FAM91A1: variants seen among roughly 807,000 people sequenced by gnomAD.
The protein encoded by FAM91A1 is protein FAM91A1.
Under a neutral mutation model 113.5 loss-of-function variants are expected in FAM91A1, and 41 were observed. That is an observed-to-expected ratio of 0.36 (90% CI 0.28 to 0.47). FAM91A1 has a LOEUF of 0.47. Ranked by LOEUF, FAM91A1 falls within the 20% of genes least tolerant of loss-of-function variation. FAM91A1 has a pLI of 1.00. For synonymous variants in FAM91A1, 307 were observed against 347.9 expected (o/e 0.88, Z 1.31); for missense variants, 696 against 1,001.2 (o/e 0.70, Z 4.11).
rs777838969 is a variant in FAM91A1, at chr8:123,778,049, G to T, written c.392G>T (p.Arg131Ile). Residue 131 changes from arginine to isoleucine, a missense_variant, in exon 5 of 24, where the codon AGA becomes ATA. By Grantham distance (97) the Arg-to-Ile change is moderately conservative. Transcript: ENST00000334705. ...ADCLRLLGIG[R>I]NQYIDLMNQC... The stretch of plus-strand genomic sequence containing the variant: ...GGTCTAAGGCTTCTTGGCATAGGAA[G>T]AAACCAGTATATTGATCTTATGAAT... 6.2e-7 allele frequency: 1 copy of T among 1,612,594 alleles called. No homozygotes were observed. The highest frequency in any genetic ancestry group is 8.5e-7 in the Non-Finnish European group (1 of 1,179,288).
intron 6 of FAM91A1, 130 bp downstream of exon 6, chr8:123,778,902 T>G: frequency 3.2e-6 from 2 of 629,480 alleles, no homozygotes; most frequent in Non-Finnish European, 5.0e-6. Flanking sequence ...AATTTAAAAT[T>G]TAAAATGATC....
intron 15 of FAM91A1, 116 bp from the exon 16 acceptor site, chr8:123,797,974 C>A (rs1002004881): frequency 8.0e-7 from 1 of 1,246,800 alleles, no homozygotes; most frequent in Admixed American, 2.4e-5. Flanking sequence ...AATAGAGTTA[C>A]TTTACCTTAA....
At chr8:123,776,493 C>T (rs373569194) in intron 3 of FAM91A1, among the ~76,000 whole-genome samples, 18 of 152,216 alleles carry the variant, frequency 1.2e-4, no homozygotes, top group African/African-American at 3.9e-4. Context: ...GCGAGAGGCC[C>T]GATAGCCCAG....
Position 123,775,324 on chromosome 8 carries a change from GTGGGAATGGGA to G in FAM91A1, c.309+32_309+42del, listed in dbSNP as rs756126898. The G allele has an allele frequency of 4.0e-5, 64 of 1,608,520 alleles. No individual in the cohort carries two copies. The African/African-American group carries it at 7.9e-4, about 20-fold the overall frequency. ...GTGAGTTTACAGTGTGGGTGAGCCAGTGGGAATGGGATGGGACTACATGTCTGGGACTTTTT... is the reference window on the plus strand; with the variant it reads ...GTGAGTTTACAGTGTGGGTGAGCCAGTGGGACTACATGTCTGGGACTTTTT... On this transcript the variant is annotated intron_variant, in intron 3 of 23. Transcript: ENST00000334705.
At chr8:123,811,552 G>C (rs1815955122) in intron 23 of FAM91A1, 1 of 152,010 alleles carries the variant, frequency 6.6e-6, no homozygotes, top group Non-Finnish European at 1.5e-5. Flanking sequence ...ACTTGATGAT[G>C]AATTAAATGT....
At chr8:123,803,612 G>GT (rs1272985014) in intron 18 of FAM91A1, among the ~76,000 whole-genome samples, 4 of 152,098 alleles carry the variant, frequency 2.6e-5, no homozygotes, top group African/African-American at 9.7e-5. Flanking sequence ...TGACAGTACT[G>GT]TTTTTAAAGT....
intron 14 of FAM91A1, among the ~76,000 whole-genome samples, chr8:123,788,010 G>A (rs532400936): frequency 1.3e-5 from 2 of 152,288 alleles, no homozygotes; most frequent in African/African-American, 4.8e-5. Context: ...AAGAAATGGG[G>A]TATAGAAATT....
At chr8:123,799,713 T>G in intron 17 of FAM91A1, 59 bp downstream of exon 17, 2 of 1,605,404 alleles carry the variant, frequency 1.2e-6, no homozygotes, top group Non-Finnish European at 1.7e-6. Flanking sequence ...TGCTAGATAA[T>G]TTCTTAATAT....
intron 1 of FAM91A1, among the ~76,000 whole-genome samples, chr8:123,771,143 A>C (rs1814827539): frequency 6.6e-6 from 1 of 152,210 alleles, no homozygotes; most frequent in Admixed American, 6.5e-5. Flanking sequence ...CTGACCACCT[A>C]AATCTGTGGT....
Position 123,798,174 on chromosome 8 carries a change from C to T in FAM91A1, c.1496C>T (p.Thr499Met), listed in dbSNP as rs377276033. The T allele has an allele frequency of 2.7e-5, 43 of 1,613,966 alleles. No individual in the cohort carries two copies. The highest frequency in any genetic ancestry group is 2.1e-4 in the African/African-American group (16 of 74,912). Residue 499 changes from threonine to methionine, a missense_variant, in exon 16 of 24, where the codon ACG becomes ATG. Transcript: ENST00000334705. Reference protein sequence around the residue: ...TCSRVLNKNYTLLVSMAPLTN... With the variant: ...TCSRVLNKNYMLLVSMAPLTN... ...AGCAGAGTTCTAAACAAAAATTACA[C>T]GCTGCTTGTTTCCATGGCTCCCCTC...
At chr8:123,770,583 GTTC>G (rs1355753501) in intron 1 of FAM91A1, among the ~76,000 whole-genome samples, 2 of 152,102 alleles carry the variant, frequency 1.3e-5, no homozygotes, top group Non-Finnish European at 1.5e-5. Context: ...AGAACAAACA[GTTC>G]TTCTTTTCTT....
Position 123,814,238 on chromosome 8 carries a change from C to T in FAM91A1, c.*1534C>T, listed in dbSNP as rs1276977348. On this transcript the variant is annotated 3_prime_UTR_variant, in exon 24 of 24. Transcript: ENST00000334705. Reference sequence around the variant, plus strand: ...TAATATTAAATAATTTCTTACGACTCTGAGTCACTCACTTATTTTTCCAAT... The same window carrying T: ...TAATATTAAATAATTTCTTACGACTTTGAGTCACTCACTTATTTTTCCAAT... The T allele has an allele frequency of 2.8e-6, 1 of 357,380 alleles. No homozygotes were observed. Among genetic ancestry groups the T allele is most frequent in the Non-Finnish European group, 5.3e-6 (1 of 189,382 alleles). The allele number at this position is 357,380 out of a possible 1,614,324, so 22.1% of individuals were successfully genotyped here.
chr8:123,777,147 A>G (rs1179231002), intron 3 of FAM91A1, 118 bp from the exon 4 acceptor site: 5 of 737,580 alleles, frequency 6.8e-6, no homozygotes, highest in African/African-American at 5.4e-5. Flanking sequence ...TAGCCAAACT[A>G]TGATCTTACT....
At chr8:123,781,143 A>G (rs1320512977) in intron 8 of FAM91A1, among the ~76,000 whole-genome samples, 1 of 151,968 alleles carries the variant, frequency 6.6e-6, no homozygotes, top group Non-Finnish European at 1.5e-5. Flanking sequence ...TTTTTTCTAT[A>G]GGTTAGATTT....
At chr8:123,775,921 C>T (rs1333034953) in intron 3 of FAM91A1, among the ~76,000 whole-genome samples, 4 of 151,860 alleles carry the variant, frequency 2.6e-5, no homozygotes, top group South Asian at 2.1e-4. Context: ...GCCGAGATAG[C>T]GCCACTGCAC....
chr8:123,784,365 C>G, intron 8 of FAM91A1, 105 bp from the exon 9 acceptor site: 1 of 735,222 alleles, frequency 1.4e-6, no homozygotes, highest in Non-Finnish European at 2.1e-6. Flanking sequence ...AAGCTGCATT[C>G]AGTCCCTAAG....
Position 123,808,269 on chromosome 8 carries a change from A to G in FAM91A1, c.2033-3A>G. 1 of 1,610,452 alleles carries G rather than the reference A, an allele frequency of 6.2e-7. No individual in the cohort carries two copies. Among genetic ancestry groups the G allele is most frequent in the East Asian group, 2.2e-5 (1 of 44,796 alleles). ...AATATTGTGTATGCCCTTTAATTAT[A>G]AGGAGAACCTGATTTGGCTTCTGGC... On this transcript the variant is annotated splice_polypyrimidine_tract_variant and splice_region_variant and intron_variant, in intron 20 of 23. Coordinates refer to ENST00000334705, the MANE Select transcript of FAM91A1 (RefSeq NM_144963.4).
intron 23 of FAM91A1, chr8:123,811,076 A>G (rs1235961946): frequency 6.6e-6 from 1 of 152,388 alleles, no homozygotes; most frequent in African/African-American, 2.4e-5. Context: ...CCTAATTTCA[A>G]TAGGTGCAGG....
At chr8:123,786,448 G>C (rs1223507600) in intron 11 of FAM91A1, 47 bp from the exon 12 acceptor site, 4 of 1,274,722 alleles carry the variant, frequency 3.1e-6, no homozygotes, top group African/African-American at 1.5e-5. Flanking sequence ...TTTAATGTAA[G>C]GTCATTTATA....
Sources: allele counts gnomAD v4.1 joint callset (sites outside exome capture counted in the v4.1 genomes callset), GRCh38; gene constraint gnomAD v4.1.1; transcripts MANE v1.5; gene names NCBI Gene and HGNC (gene_info 2026-07-23, HGNC 2026-07-21).